The following MIB2 variants were observed in gnomAD, a reference collection of about 807,000 sequenced individuals.
MIB2 encodes E3 ubiquitin-protein ligase MIB2.
A neutral mutation model predicts 96.6 loss-of-function variants in MIB2; 78 were observed. The ratio of observed to expected loss-of-function variants is 0.81; its 90% confidence interval spans 0.67 to 0.97. The LOEUF (loss-of-function observed/expected upper bound fraction) is 0.97, where lower values mean the gene tolerates loss of function less well. MIB2 is among the 50% of genes least tolerant of loss of function. The pLI is 0.00. For missense variants in MIB2, 1,543 were observed against 1,424.0 expected, an observed-to-expected ratio of 1.08 and a Z score of -1.35; for synonymous variants, 820 against 629.5, an observed-to-expected ratio of 1.30 and a Z score of -4.53.
chr1:1,623,873 C>T lies in MIB2; in HGVS notation c.347C>T (p.Thr116Met), dbSNP rs749010894. ...CRVCLDYDLC[T>M]QCYMHNKHEL... ...GTGTGCCTGGACTACGACCTCTGCA[C>T]GCAGTGCTACATGCACAACAAGCAT... Residue 116 changes from threonine (T) to methionine (M), a missense_variant, in exon 4 of 20, where the codon ACG becomes ATG. By Grantham distance (81) the Thr-to-Met change is moderately conservative. Coordinates refer to ENST00000355826, the MANE Select transcript of MIB2 (RefSeq NM_001170687.4). 8.7e-6 allele frequency: 14 copies of T among 1,611,896 alleles called. No individual in the cohort carries two copies. The highest frequency in any genetic ancestry group is 4.5e-5 in the East Asian group (2 of 44,872).
In MIB2 at chr1:1,615,571, C is replaced by G. The variant is rs754393920; in HGVS notation, c.-192C>G. Reference sequence around the variant, plus strand: ...GGTGGCCCAGGAGGGCCTGGGAGCCCGAAGCCGTCCCCGAGTCGCTCCTAG... The same window carrying G: ...GGTGGCCCAGGAGGGCCTGGGAGCCGGAAGCCGTCCCCGAGTCGCTCCTAG... On this transcript the variant is annotated 5_prime_UTR_variant, in exon 1 of 20. Coordinates refer to ENST00000355826, the MANE Select transcript of MIB2 (RefSeq NM_001170687.4). 1 of 1,541,240 alleles carries G rather than the reference C, an allele frequency of 6.5e-7. No individual in the cohort carries two copies. The highest frequency in any genetic ancestry group is 8.7e-7 in the Non-Finnish European group (1 of 1,147,488).
In MIB2 at chr1:1,626,208, C is replaced by T. The variant is rs186088975; in HGVS notation, c.973-442C>T. The T allele has an allele frequency of 6.0e-5, 12 of 201,550 alleles. No individual in the cohort carries two copies. The highest frequency in any genetic ancestry group is 1.2e-4 in the African/African-American group (5 of 42,828). The allele number at this position is 201,550 out of a possible 1,614,324, so 12.5% of individuals were successfully genotyped here. ...ATACCAGGCACCTTTGAGGAGGCGC[C>T]GAAGGGAGTCATGAGACGGGCTTGT... On this transcript the variant is annotated intron_variant, in intron 8 of 19. Transcript: ENST00000355826. This position sits in a 1 kb window ranked among gnomAD's most constrained non-coding sequence, Gnocchi z 5.3.
intron 15 of MIB2, 29 bp downstream of exon 15, chr1:1,628,428 G>A: frequency 6.2e-7 from 1 of 1,605,194 alleles, no homozygotes; most frequent in East Asian, 2.2e-5. Context: ...CCTGCCCAAG[G>A]ACCGGGGAGC....
In MIB2 at chr1:1,616,270, C is replaced by G. The variant is rs999732556; in HGVS notation, c.-129-238C>G. 6.2e-5 allele frequency: 26 copies of G among 416,662 alleles called. No individual in the cohort carries two copies. The East Asian group carries it at 6.6e-4, about 11-fold the overall frequency. The allele number at this position is 416,662 out of a possible 1,614,324, so 25.8% of individuals were successfully genotyped here. A position where few individuals can be genotyped will look rare whatever the true frequency, so the allele number is the denominator to read the frequency against. ...GGCGCCCGTGCGCGTCCCGGAGCCT[C>G]CTGACGTCTGCGAGCCGCGGCCGCC... is the stretch of plus-strand genomic sequence containing the variant. On this transcript the variant is annotated intron_variant, in intron 1 of 19. Coordinates refer to ENST00000355826, the MANE Select transcript of MIB2 (RefSeq NM_001170687.4).
At position 1,629,676 on chromosome 1, in the gene MIB2, G is replaced by A. The variant is rs912998773; in HGVS notation, c.2601G>A (p.Gln867=). The A allele has an allele frequency of 6.2e-7, 1 of 1,600,502 alleles. No homozygotes were observed. The highest frequency in any genetic ancestry group is 8.5e-7 in the Non-Finnish European group (1 of 1,173,466). The change falls in exon 19 of 20, where the codon CAG becomes CAA. Residue 867 remains glutamine, a synonymous_variant. Coordinates refer to ENST00000355826, the MANE Select transcript of MIB2 (RefSeq NM_001170687.4). ...ARRMKKCIRC[Q]VVVSKKLRPD... is the part of the protein sequence containing the mutation. ...GGATGAAGAAGTGCATCAGGTGCCA[G>A]GTGGTCGTCAGCAAGAAACTGCGCC... is the stretch of plus-strand genomic sequence containing the variant.
In MIB2 at chr1:1,629,252, G is replaced by T. The variant is rs1447363955; in HGVS notation, c.2322G>T (p.Leu774=). 1.4e-5 allele frequency: 21 copies of T among 1,546,030 alleles called. No individual in the cohort carries two copies. Among genetic ancestry groups the T allele is most frequent in the Non-Finnish European group, 1.8e-5 (21 of 1,157,306 alleles). The change falls in exon 17 of 20, where the codon CTG becomes CTT. Residue 774 remains leucine (L), a synonymous_variant. Transcript: ENST00000355826. The part of the protein sequence containing the change: ...SYTNHRGRSP[L]DLAAEGRVLK... ...CCAACCACCGCGGTCGGAGCCCGCTGGACCTGGCCGCCGAGGGTCGCGTGC... is the reference window on the plus strand; with the variant it reads ...CCAACCACCGCGGTCGGAGCCCGCTTGACCTGGCCGCCGAGGGTCGCGTGC...
upstream of MIB2, chr1:1,615,474 C>T (rs1643504898): frequency 2.0e-6 from 3 of 1,520,628 alleles, no homozygotes; most frequent in East Asian, 2.5e-5. Flanking sequence ...CGGGGGCGCT[C>T]CGGCGGGGGC....
At chr1:1,619,497 C>T (rs1644060861) in intron 2 of MIB2, among the ~76,000 whole-genome samples, 1 of 152,260 alleles carries the variant, frequency 6.6e-6, no homozygotes, top group African/African-American at 2.4e-5. Context: ...GGCGGGCAGG[C>T]ATGGCTGGAG....
At chr1:1,616,699 G>A (rs1051845407) in intron 2 of MIB2, 85 bp downstream of exon 2, 33 of 1,108,778 alleles carry the variant, frequency 3.0e-5, no homozygotes, top group Non-Finnish European at 4.2e-5. Flanking sequence ...CAGAGAGGCT[G>A]TGTTTGTGTC....
At position 1,626,457 on chromosome 1, in the gene MIB2, C is replaced by T. The variant is rs1180714019; in HGVS notation, c.973-193C>T. ...CCTCCCATGGCTCTGGGGCTAGGGA[C>T]ACCCAGGGCTGCCTTGGACACCTGG... On this transcript the variant is annotated intron_variant, in intron 8 of 19. Coordinates refer to ENST00000355826, the MANE Select transcript of MIB2 (RefSeq NM_001170687.4). This position sits in a 1 kb window ranked among gnomAD's most constrained non-coding sequence, Gnocchi z 5.3. The T allele has an allele frequency of 8.6e-6, 5 of 578,342 alleles. No homozygotes were observed. The highest frequency in any genetic ancestry group is 1.5e-5 in the Non-Finnish European group (5 of 328,506). 35.8% of individuals were successfully genotyped at this position (578,342 alleles called of 1,614,324 possible).
chr1:1,629,502 G>T lies in MIB2; in HGVS notation c.2499G>T (p.Leu833=). ...CGGGGCCCGAGGCCGCTGAGTGCCT[G>T]GTGTGCTCCGAGCTGGCGCTGCTGG... ...AAPGPEAAEC[L]VCSELALLVL... The change falls in exon 18 of 20, where the codon CTG becomes CTT. Residue 833 remains leucine (L), a synonymous_variant. Coordinates refer to ENST00000355826, the MANE Select transcript of MIB2 (RefSeq NM_001170687.4). The T allele has an allele frequency of 6.5e-7, 1 of 1,536,052 alleles. No individual in the cohort carries two copies. The highest frequency in any genetic ancestry group is 8.7e-7 in the Non-Finnish European group (1 of 1,145,914).
chr1:1,627,414 G>A lies in MIB2; in HGVS notation c.1493G>A (p.Gly498Asp). 1 of 1,612,814 alleles carries A rather than the reference G, an allele frequency of 6.2e-7. No homozygotes were observed. The highest frequency in any genetic ancestry group is 1.1e-5 in the South Asian group (1 of 91,060). The change falls in exon 12 of 20, where the codon GGC becomes GAC. Residue 498 changes from glycine (G) to aspartate (D), a missense_variant. By Grantham distance (94) the Gly-to-Asp change is moderately conservative (BLOSUM62 -1). Coordinates refer to ENST00000355826, the MANE Select transcript of MIB2 (RefSeq NM_001170687.4). Reference protein sequence around the residue: ...RAGVDLPDDEGNTALHYAALG... With the variant: ...RAGVDLPDDEDNTALHYAALG... ...GGCGTGGACCTGCCGGACGACGAGGGCAACACGGCACTGCACTACGCGGCC... is the reference window on the plus strand; with the variant it reads ...GGCGTGGACCTGCCGGACGACGAGGACAACACGGCACTGCACTACGCGGCC...
chr1:1,616,862 G>T (rs932937578), intron 2 of MIB2: 4 of 436,388 alleles, frequency 9.2e-6, no homozygotes, highest in African/African-American at 8.4e-5. Context: ...AGGAGCGCCG[G>T]CAAGCCTGGC....
chr1:1,623,479 G>A lies in MIB2; in HGVS notation c.27G>A (p.Val9=), dbSNP rs1163288877. ...TGGACCCAGACCCCCAGGCGGGCGT[G>A]CAGGTGGGCATGCGGGTGGTGCGCG... MDPDPQAG[V]QVGMRVVRGV... Residue 9 remains valine, a synonymous_variant, in exon 3 of 20, where the codon GTG becomes GTA. Coordinates refer to ENST00000355826, the MANE Select transcript of MIB2 (RefSeq NM_001170687.4). 5.0e-6 allele frequency: 8 copies of A among 1,587,696 alleles called. No individual in the cohort carries two copies. The highest frequency in any genetic ancestry group is 4.6e-5 in the South Asian group (4 of 87,778).
rs1644651036 is a variant in MIB2, at chr1:1,625,403, G to A, written c.839G>A (p.Gly280Asp). The part of the protein sequence containing the change: ...DVLREMQEGH[G>D]GWNPRMAEFI... ...CTGCGGGAGATGCAGGAAGGCCACG[G>A]CGGCTGGAACCCCAGGATGGCGGAG... The change falls in exon 7 of 20, where the codon GGC becomes GAC. Residue 280 changes from glycine (G) to aspartate (D), a missense_variant. Physicochemically the swap from Gly to Asp is moderately conservative, Grantham distance 94. Transcript: ENST00000355826. This position sits in a 1 kb window ranked among gnomAD's most constrained non-coding sequence, Gnocchi z 5.0. The A allele has an allele frequency of 6.3e-7, 1 of 1,578,468 alleles. No homozygotes were observed. The highest frequency in any genetic ancestry group is 1.8e-5 in the Admixed American group (1 of 54,846).
rs1367425207 is a variant in MIB2 at position 1,625,820 on chromosome 1, G to A, written c.972+167G>A. 6.5e-6 allele frequency: 4 copies of A among 616,386 alleles called. No homozygotes were observed. Among genetic ancestry groups the A allele is most frequent in the African/African-American group, 5.5e-5 (3 of 54,278 alleles). 38.2% of individuals were successfully genotyped at this position (616,386 alleles called of 1,614,324 possible). The stretch of plus-strand genomic sequence containing the variant: ...GTGGGTGGAGGTGGGTGGGGTCAAG[G>A]AGAAGAGGGGGTTGGGTGTGAAGGA... On this transcript the variant is annotated intron_variant, in intron 8 of 19. Transcript: ENST00000355826. This position sits in a 1 kb window ranked among gnomAD's most constrained non-coding sequence, Gnocchi z 5.0.
Position 1,615,546 on chromosome 1 carries a change from G to C in MIB2, c.-217G>C, listed in dbSNP as rs1211295172. ...CCAGCCGCCGCTCTCCTCAGTGCCC[G>C]GTGGCCCAGGAGGGCCTGGGAGCCC... On this transcript the variant is annotated 5_prime_UTR_variant, in exon 1 of 20. Coordinates refer to ENST00000355826, the MANE Select transcript of MIB2 (RefSeq NM_001170687.4). The C allele has an allele frequency of 2.6e-6, 4 of 1,535,596 alleles. No homozygotes were observed. Among genetic ancestry groups the C allele is most frequent in the South Asian group, 1.2e-5 (1 of 83,558 alleles).
intron 13 of MIB2, 86 bp from the exon 14 acceptor site, chr1:1,627,933 T>C (rs1035720687): frequency 6.2e-7 from 1 of 1,602,356 alleles, no homozygotes; most frequent in African/African-American, 1.3e-5. Flanking sequence ...GGGTGCCCCC[T>C]GCCCGTGAGT....
At position 1,616,500 on chromosome 1, in the gene MIB2, G is replaced by A. The variant is rs771758348; in HGVS notation, c.-129-8G>A. 6.4e-5 allele frequency: 101 copies of A among 1,567,198 alleles called. No individual in the cohort carries two copies. Among genetic ancestry groups the A allele is most frequent in the Non-Finnish European group, 8.4e-5 (97 of 1,157,124 alleles). On this transcript the variant is annotated splice_polypyrimidine_tract_variant and splice_region_variant and intron_variant, in intron 1 of 19. Coordinates refer to ENST00000355826, the MANE Select transcript of MIB2 (RefSeq NM_001170687.4). ...ACTGTGCATCTTGGCATCTCCCCTC[G>A]GCCACAGGGTTGGAAGCCCAGCGAG... is the stretch of plus-strand genomic sequence containing the variant.
Sources: allele counts gnomAD v4.1 joint callset (sites outside exome capture counted in the v4.1 genomes callset), GRCh38; gene constraint gnomAD v4.1.1; non-coding constraint Gnocchi (gnomAD v3.1); transcripts MANE v1.5; gene names NCBI Gene and HGNC (gene_info 2026-07-23, HGNC 2026-07-21).